Variants in UBTD2 observed in about 807,000 individuals in gnomAD.
UBTD2 encodes the protein ubiquitin domain-containing protein 2.
In UBTD2, 9 loss-of-function variants were observed where a neutral mutation model predicts 19.8. The ratio of observed to expected loss-of-function variants is 0.46; its 90% confidence interval spans 0.27 to 0.79. UBTD2 has a LOEUF of 0.79. UBTD2 is among the 30% of genes least tolerant of loss of function. The probability of loss-of-function intolerance (pLI) is 0.14; values close to 1 mark genes in which losing one functional copy is unlikely to be tolerated. For synonymous variants in UBTD2, 98 were observed against 103.9 expected, an observed-to-expected ratio of 0.94 and a Z score of 0.35; for missense variants, 250 against 300.4, an observed-to-expected ratio of 0.83 and a Z score of 1.24.
At chr5:172,254,930 AAGG>A (rs1561861460) in intron 1 of UBTD2, 2 of 506,476 alleles carry the variant, frequency 3.9e-6, no homozygotes, top group African/African-American at 2.0e-5. Flanking sequence ...CCTCCTCCTC[AAGG>A]AGACCATGAG....
chr5:172,260,282 C>A (rs774097942), intron 1 of UBTD2, among the ~76,000 whole-genome samples: 3 of 151,842 alleles, frequency 2.0e-5, no homozygotes, highest in Non-Finnish European at 2.9e-5. Context: ...ATTTTCCTTA[C>A]TCTCTCTTAA....
At chr5:172,240,237 T>C (rs1772100000) in intron 1 of UBTD2, among the ~76,000 whole-genome samples, 1 of 152,146 alleles carries the variant, frequency 6.6e-6, no homozygotes, top group South Asian at 2.1e-4. Context: ...AAAGAAGGGG[T>C]GATGTGGCTT....
At chr5:172,277,263 T>G (rs1755623760) in intron 1 of UBTD2, among the ~76,000 whole-genome samples, 2 of 152,116 alleles carry the variant, frequency 1.3e-5, no homozygotes, top group Admixed American at 1.3e-4. Context: ...CACTTCTTGT[T>G]GAGAAAGCAA....
chr5:172,223,729 A>G (rs1771701751), intron 2 of UBTD2, among the ~76,000 whole-genome samples: 1 of 151,930 alleles, frequency 6.6e-6, no homozygotes, highest in African/African-American at 2.4e-5. Context: ...CATTTTACAG[A>G]TGGAAAAAAT....
chr5:172,246,664 G>A (rs1205577484), intron 1 of UBTD2, among the ~76,000 whole-genome samples: 5 of 147,534 alleles, frequency 3.4e-5, no homozygotes, highest in East Asian at 4.1e-4. Flanking sequence ...GGCTGGTCTC[G>A]AACTCCTGCC....
chr5:172,218,768 C>A (rs1327422067), intron 2 of UBTD2, among the ~76,000 whole-genome samples: 1 of 133,644 alleles, frequency 7.5e-6, no homozygotes, highest in Non-Finnish European at 1.6e-5. Context: ...GAGTCAGACC[C>A]TGTCACCAAA....
intron 2 of UBTD2, among the ~76,000 whole-genome samples, chr5:172,215,578 A>C (rs148709111): frequency 1.8e-4 from 27 of 152,332 alleles, no homozygotes; most frequent in African/African-American, 6.0e-4. Context: ...AAAGGCAAAA[A>C]AACAGTTTTT....
chr5:172,270,946 T>TCAC (rs2113122171), intron 1 of UBTD2, among the ~76,000 whole-genome samples: 1 of 152,314 alleles, frequency 6.6e-6, no homozygotes, highest in East Asian at 1.9e-4. Flanking sequence ...CAACTTGGTC[T>TCAC]ACTTATGGCA....
chr5:172,220,725 C>G (rs992086752), intron 2 of UBTD2, among the ~76,000 whole-genome samples: 7 of 152,276 alleles, frequency 4.6e-5, no homozygotes, highest in Admixed American at 2.6e-4. Context: ...CAAGGATGTC[C>G]CCTCTCATCA....
chr5:172,281,540 T>C (rs921954545), intron 1 of UBTD2, among the ~76,000 whole-genome samples: 2 of 152,070 alleles, frequency 1.3e-5, no homozygotes, highest in African/African-American at 4.8e-5. Flanking sequence ...CAAACCTAAC[T>C]CACTACCACA....
At chr5:172,259,145 T>C (rs1340892975) in intron 1 of UBTD2, among the ~76,000 whole-genome samples, 2 of 152,072 alleles carry the variant, frequency 1.3e-5, no homozygotes, top group Admixed American at 6.5e-5. Flanking sequence ...TTGAGGGTTT[T>C]TGTTTTGTTT....
intron 1 of UBTD2, chr5:172,255,572 G>A (rs1380095372): frequency 7.8e-6 from 2 of 256,308 alleles, no homozygotes; most frequent in South Asian, 5.6e-5. Context: ...TCCGGGCGGC[G>A]TTGACGGCAG....
chr5:172,241,455 T>C (rs964018441), intron 1 of UBTD2, among the ~76,000 whole-genome samples: 4 of 151,436 alleles, frequency 2.6e-5, no homozygotes, highest in Non-Finnish European at 4.4e-5. Context: ...TCTCCACTTT[T>C]AACACTATTT....
intron 2 of UBTD2, among the ~76,000 whole-genome samples, chr5:172,214,091 A>G (rs1021322423): frequency 1.3e-5 from 2 of 152,262 alleles, no homozygotes; most frequent in Admixed American, 6.5e-5. Flanking sequence ...GGCCAAAAGC[A>G]TAACTTAATG....
At chr5:172,234,392 C>T (rs781295544) in intron 1 of UBTD2, 34 bp from the exon 2 acceptor site, 2 of 1,561,544 alleles carry the variant, frequency 1.3e-6, no homozygotes, top group Non-Finnish European at 1.8e-6. Flanking sequence ...AGATCAAACC[C>T]AAAATTTATA....
rs1399325197 is a variant in UBTD2 at position 172,211,721 on chromosome 5, A to T, written c.*109T>A. On this transcript the variant is annotated 3_prime_UTR_variant, in exon 3 of 3. Transcript: ENST00000393792. ...TAATTCCTCAGAACTAAATCCATTC[A>T]TAGGGAATTTAGAGCAGTGAAATAG... 2.5e-6 allele frequency: 3 copies of T among 1,210,992 alleles called. No homozygotes were observed. The highest frequency in any genetic ancestry group is 1.5e-5 in the African/African-American group (1 of 65,812). 75.0% of individuals were successfully genotyped at this position (1,210,992 alleles called of 1,614,324 possible). A position where few individuals can be genotyped will look rare whatever the true frequency, so the allele number is the denominator to read the frequency against.
intron 1 of UBTD2, among the ~76,000 whole-genome samples, chr5:172,276,830 G>A (rs1309606393): frequency 6.6e-6 from 1 of 151,928 alleles, no homozygotes; most frequent in Non-Finnish European, 1.5e-5. Flanking sequence ...CAGCACTTTG[G>A]GAGTCTGAGG....
At position 172,212,246 on chromosome 5, in the gene UBTD2, T is replaced by C. The variant is rs772736672; in HGVS notation, c.308-19A>G. 7 of 1,567,682 alleles carry C rather than the reference T, an allele frequency of 4.5e-6. No homozygotes were observed. Among genetic ancestry groups the C allele is most frequent in the Non-Finnish European group, 6.1e-6 (7 of 1,155,620 alleles). ...AGTGCACCTTCAGAAAGAGAAGATA[T>C]GAATAAGAACTTAATCCTTAATGAA... On this transcript the variant is annotated intron_variant, in intron 2 of 2. Coordinates refer to ENST00000393792, the MANE Select transcript of UBTD2 (RefSeq NM_152277.3).
intron 1 of UBTD2, among the ~76,000 whole-genome samples, chr5:172,235,023 A>G (rs960780937): frequency 6.6e-6 from 1 of 152,202 alleles, no homozygotes; most frequent in Non-Finnish European, 1.5e-5. Context: ...AGGCACTGGG[A>G]GTACATAGGA....
Sources: allele counts gnomAD v4.1 joint callset (sites outside exome capture counted in the v4.1 genomes callset), GRCh38; gene constraint gnomAD v4.1.1; transcripts MANE v1.5; gene names NCBI Gene and HGNC (gene_info 2026-07-23, HGNC 2026-07-21).